Variants in SHISA9 observed in about 807,000 individuals in gnomAD.
The protein encoded by SHISA9 is shisa family member 9.
Under a neutral mutation model 38.0 loss-of-function variants are expected in SHISA9, and 13 were observed. The observed-to-expected ratio is 0.34, with a 90% CI of 0.22 to 0.54. The LOEUF is 0.54. SHISA9 is among the 20% of genes least tolerant of loss of function. SHISA9 has a pLI of 0.91. For missense variants in SHISA9, 538 were observed against 575.8 expected, an observed-to-expected ratio of 0.93 and a Z score of 0.67; for synonymous variants, 275 against 242.0, an observed-to-expected ratio of 1.14 and a Z score of -1.27.
the SHISA9 span, among the ~76,000 whole-genome samples, chr16:13,546,908 G>A: frequency 6.6e-6 from 1 of 152,150 alleles, no homozygotes; most frequent in Non-Finnish European, 1.5e-5. Context: ...TCTGGCTCCT[G>A]TGTCTGGCTC....
intron 2 of SHISA9, among the ~76,000 whole-genome samples, chr16:13,027,501 A>G (rs1047440893): frequency 3.5e-4 from 53 of 152,376 alleles, no homozygotes; most frequent in African/African-American, 1.2e-3. Flanking sequence ...TAATATTCAT[A>G]GAAGCTCTAT....
At chr16:13,489,934 T>C in the SHISA9 span, among the ~76,000 whole-genome samples, 6 of 152,126 alleles carry the variant, frequency 3.9e-5, no homozygotes, top group Non-Finnish European at 8.8e-5. Flanking sequence ...ATGTACACCA[T>C]TGCCTGTGTT....
rs558105803 is a variant in SHISA9, at chr16:12,925,917, G to A, written c.691+9102G>A. ...TTATTATTCTTTTTAGTAGAGATGGGGTCTCGCTATGTTGGCCAGGCTGGT... is the reference window on the plus strand; with the variant it reads ...TTATTATTCTTTTTAGTAGAGATGGAGTCTCGCTATGTTGGCCAGGCTGGT... On this transcript the variant is annotated intron_variant, in intron 2 of 4. Transcript: ENST00000558583. Among the ~76,000 whole-genome samples the A allele has an allele frequency of 3.3e-5, 5 of 152,092 alleles. No individual in the cohort carries two copies. In the South Asian group the frequency reaches 8.3e-4, roughly 25 times the overall value.
intron 4 of SHISA9, among the ~76,000 whole-genome samples, chr16:13,228,174 C>T (rs936602001): frequency 6.6e-6 from 1 of 152,150 alleles, no homozygotes; most frequent in Admixed American, 6.5e-5. Context: ...TGTCTCATTC[C>T]AGAGCCTGCA....
rs149994240 is a variant in SHISA9, at chr16:13,148,368, C to T, written c.692-55026C>T. 6.6e-5 allele frequency among the ~76,000 whole-genome samples: 10 copies of T among 152,188 alleles called. No homozygotes were observed. In the East Asian group the frequency reaches 1.9e-3, roughly 29 times the overall value. On this transcript the variant is annotated intron_variant, in intron 2 of 4. Coordinates refer to ENST00000558583, the MANE Select transcript of SHISA9 (RefSeq NM_001145204.3). ...CCCCTGCAAACACATCCACACTACACACACCATGCGCAGTTTCCATGACAC... is the reference window on the plus strand; with the variant it reads ...CCCCTGCAAACACATCCACACTACATACACCATGCGCAGTTTCCATGACAC...
chr16:12,952,089 T>G (rs1188179748), intron 2 of SHISA9, among the ~76,000 whole-genome samples: 1 of 152,234 alleles, frequency 6.6e-6, no homozygotes. Flanking sequence ...CCCCAGCTTT[T>G]GCTAATGCAG....
At chr16:13,324,018 C>G in the SHISA9 span, among the ~76,000 whole-genome samples, 1 of 152,084 alleles carries the variant, frequency 6.6e-6, no homozygotes, top group Non-Finnish European at 1.5e-5. Flanking sequence ...CATGTAAGAG[C>G]TGGGTGTTTA....
the SHISA9 span, among the ~76,000 whole-genome samples, chr16:13,483,772 G>C: frequency 2.6e-5 from 4 of 152,132 alleles, no homozygotes; most frequent in Non-Finnish European, 5.9e-5. Context: ...AGATCTTCTG[G>C]ATAACTGAAC....
chr16:12,917,452 G>GAA (rs933590545), intron 2 of SHISA9, among the ~76,000 whole-genome samples: 1 of 147,900 alleles, frequency 6.8e-6, no homozygotes, highest in African/African-American at 2.5e-5. Context: ...TCTGCCAGGG[G>GAA]AAAAAAAAAA....
At chr16:13,096,918 A>C (rs76943807) in intron 2 of SHISA9, among the ~76,000 whole-genome samples, 3,050 of 151,748 alleles carry the variant, frequency 0.02, 49 homozygotes, top group Admixed American at 0.047. Context: ...CCTATTTTAG[A>C]GTGACCCCTC....
chr16:13,093,231 G>A (rs965831286), intron 2 of SHISA9, among the ~76,000 whole-genome samples: 8 of 152,164 alleles, frequency 5.3e-5, no homozygotes, highest in Non-Finnish European at 2.9e-5. Flanking sequence ...AGGGTGACAA[G>A]ATGACTTAGA....
At chr16:12,928,580 T>C (rs1270943597) in intron 2 of SHISA9, among the ~76,000 whole-genome samples, 1 of 152,236 alleles carries the variant, frequency 6.6e-6, no homozygotes, top group Non-Finnish European at 1.5e-5. Flanking sequence ...AGGGATGGAC[T>C]TCATTGTTAT....
chr16:13,113,146 G>T (rs957071323), intron 2 of SHISA9, among the ~76,000 whole-genome samples: 7 of 143,340 alleles, frequency 4.9e-5, no homozygotes, highest in Admixed American at 1.5e-4. Flanking sequence ...GAAGGCAGAG[G>T]TTGCAGTGAG....
chr16:13,069,561 A>G (rs2073486016), intron 2 of SHISA9, among the ~76,000 whole-genome samples: 1 of 149,532 alleles, frequency 6.7e-6, no homozygotes, highest in Admixed American at 6.6e-5. Flanking sequence ...TATGTATATA[A>G]GCGTGCATGT....
At chr16:12,920,356 A>G (rs979289050) in intron 2 of SHISA9, among the ~76,000 whole-genome samples, 28 of 145,498 alleles carry the variant, frequency 1.9e-4, no homozygotes, top group African/African-American at 6.6e-4. Flanking sequence ...GTTTCTGAGT[A>G]CTTTTAAAAA....
the SHISA9 span, among the ~76,000 whole-genome samples, chr16:13,327,202 G>T: frequency 1.3e-5 from 2 of 152,158 alleles, no homozygotes; most frequent in African/African-American, 4.8e-5. Context: ...CCTGCCCGCT[G>T]CACTAGAAGT....
chr16:12,935,056 A>G (rs1351833430), intron 2 of SHISA9, among the ~76,000 whole-genome samples: 1 of 152,126 alleles, frequency 6.6e-6, no homozygotes, highest in Non-Finnish European at 1.5e-5. Context: ...TAAGATTCTT[A>G]AACTTGACGG....
At chr16:13,123,878 C>T (rs1027524205) in intron 2 of SHISA9, among the ~76,000 whole-genome samples, 10 of 152,188 alleles carry the variant, frequency 6.6e-5, no homozygotes, top group Non-Finnish European at 1.2e-4. Context: ...TATTTTCAAC[C>T]ACAAAATGTG....
At chr16:13,075,234 T>C (rs1488919349) in intron 2 of SHISA9, among the ~76,000 whole-genome samples, 2 of 152,208 alleles carry the variant, frequency 1.3e-5, no homozygotes, top group African/African-American at 4.8e-5. Context: ...CCTAATCATC[T>C]GCTTGGATAG....
Sources: gnomAD v4.1 joint callset for allele counts (sites outside exome capture counted in the v4.1 genomes callset) on GRCh38, gnomAD v4.1.1 for gene constraint, MANE v1.5 for transcripts, NCBI Gene and HGNC (gene_info 2026-07-23, HGNC 2026-07-21) for gene names.